The following RRBP1 variants were observed in gnomAD, a reference collection of about 807,000 sequenced individuals.
RRBP1 encodes ribosome binding protein 1, also known as ribosome-binding protein 1.
In RRBP1, 94 loss-of-function variants were observed where a neutral mutation model predicts 165.2. The observed-to-expected ratio is 0.57, with a 90% CI of 0.48 to 0.68. The LOEUF (loss-of-function observed/expected upper bound fraction) is 0.68, where lower values mean the gene tolerates loss of function less well. Among genes scored for constraint, RRBP1 ranks in the 30% least tolerant of loss-of-function variants. RRBP1 has a pLI of 0.00. For synonymous variants in RRBP1, 680 were observed against 714.5 expected (o/e 0.95, Z 0.77); for missense variants, 1,676 against 1,763.0 (o/e 0.95, Z 0.88).
chr20:17,619,290 T>A (rs2035862328), intron 19 of RRBP1: 1 of 239,794 alleles, frequency 4.2e-6, no homozygotes, highest in South Asian at 1.5e-4. Context: ...AGAAAAAGTG[T>A]CAGATCTAAA....
At chr20:17,635,252 G>C (rs1568765431) in intron 7 of RRBP1, among the ~76,000 whole-genome samples, 1 of 152,184 alleles carries the variant, frequency 6.6e-6, no homozygotes, top group Admixed American at 6.5e-5. Context: ...AGGCAGGTGG[G>C]TGCTGGAAAC....
At chr20:17,620,442 C>A in intron 17 of RRBP1, 72 bp from the exon 18 acceptor site, 1 of 1,405,358 alleles carries the variant, frequency 7.1e-7, no homozygotes, top group Non-Finnish European at 1.0e-6. Flanking sequence ...CATGCTAGGA[C>A]CCGAGCGGGA....
intron 11 of RRBP1, among the ~76,000 whole-genome samples, chr20:17,626,690 C>G (rs753061245): frequency 5.8e-4 from 88 of 152,206 alleles, no homozygotes; most frequent in Non-Finnish European, 1.0e-3. Flanking sequence ...GCATGTGCTA[C>G]AGGAGGCGAG....
At position 17,643,184 on chromosome 20, in the gene RRBP1, G is replaced by A; in HGVS notation, c.1913-57C>T. ...AGGCCCATAAGCCACAACACACGTGGCCACAATGCCCATCACACCAAGAAG... is the reference window on the plus strand; with the variant it reads ...AGGCCCATAAGCCACAACACACGTGACCACAATGCCCATCACACCAAGAAG... On this transcript the variant is annotated intron_variant, in intron 3 of 24. Coordinates refer to ENST00000377813, the MANE Select transcript of RRBP1 (RefSeq NM_001365613.2). The surrounding 1 kb of genome is among the most constrained non-coding windows in gnomAD (Gnocchi z 4.3). 6.4e-7 allele frequency: 1 copy of A among 1,567,954 alleles called. No homozygotes were observed. Among genetic ancestry groups the A allele is most frequent in the South Asian group, 1.1e-5 (1 of 88,370 alleles).
chr20:17,623,952 C>T (rs1027055415), intron 13 of RRBP1, among the ~76,000 whole-genome samples: 26 of 152,012 alleles, frequency 1.7e-4, no homozygotes, highest in Non-Finnish European at 3.1e-4. Flanking sequence ...AAAGTCTCCT[C>T]ACAGAGCCCC....
At chr20:17,673,736 T>C (rs2037022494) in intron 2 of RRBP1, among the ~76,000 whole-genome samples, 1 of 152,184 alleles carries the variant, frequency 6.6e-6, no homozygotes, top group Admixed American at 6.5e-5. Context: ...AATCAAACTG[T>C]ACAGAATAAG....
At chr20:17,615,291 T>C (rs1032517169) in intron 23 of RRBP1, 140 bp downstream of exon 23, 4 of 635,918 alleles carry the variant, frequency 6.3e-6, no homozygotes, top group Non-Finnish European at 1.1e-5. Flanking sequence ...CAGCCCCGGG[T>C]AGTGACAAGG....
intron 20 of RRBP1, 143 bp downstream of exon 20, chr20:17,618,453 G>A (rs904468805): frequency 2.6e-5 from 18 of 705,478 alleles, no homozygotes; most frequent in East Asian, 1.1e-4. Flanking sequence ...CCCAGAAGCC[G>A]GCCCCATGCT....
chr20:17,656,865 G>C (rs912429830), intron 3 of RRBP1, among the ~76,000 whole-genome samples: 2 of 152,158 alleles, frequency 1.3e-5, no homozygotes, highest in African/African-American at 4.8e-5. Context: ...TATGGGTTTT[G>C]TTTTCTTGGT....
intron 11 of RRBP1, among the ~76,000 whole-genome samples, chr20:17,625,965 ACCCCAAGAGCGT>A (rs1471691239): frequency 6.6e-6 from 1 of 151,982 alleles, no homozygotes; most frequent in African/African-American, 2.4e-5. Flanking sequence ...CCGGCAAATC[ACCCCAAGAGCGT>A]CCCCAAAAGA....
chr20:17,619,430 T>C (rs892753257), intron 19 of RRBP1: 7 of 467,068 alleles, frequency 1.5e-5, no homozygotes, highest in Non-Finnish European at 2.6e-5. Context: ...GCTGGGAGGC[T>C]GCCTTTTTGA....
chr20:17,637,673 G>A (rs2036273338), intron 5 of RRBP1, among the ~76,000 whole-genome samples: 2 of 152,226 alleles, frequency 1.3e-5, no homozygotes, highest in Non-Finnish European at 2.9e-5. Context: ...CCTCTTGCCT[G>A]AGATGGGAAA....
intron 19 of RRBP1, chr20:17,618,976 G>C (rs1038419771): frequency 2.2e-4 from 85 of 392,520 alleles, no homozygotes; most frequent in Admixed American, 7.2e-4. Flanking sequence ...TTTTTTCAGA[G>C]ATGGTCTCAA....
intron 2 of RRBP1, among the ~76,000 whole-genome samples, chr20:17,677,422 T>A (rs1339682953): frequency 1.3e-5 from 2 of 152,232 alleles, no homozygotes; most frequent in Admixed American, 6.5e-5. Flanking sequence ...TCATTCAGCT[T>A]CTTCCTTTAA....
At chr20:17,617,658 T>C (rs906138940) in intron 20 of RRBP1, among the ~76,000 whole-genome samples, 58 of 152,326 alleles carry the variant, frequency 3.8e-4, no homozygotes, top group African/African-American at 1.4e-3. Context: ...GAGTGGCCCC[T>C]AGACACAGGA....
intron 3 of RRBP1, among the ~76,000 whole-genome samples, chr20:17,652,728 C>T (rs1334738556): frequency 6.6e-6 from 1 of 152,164 alleles, no homozygotes; most frequent in Non-Finnish European, 1.5e-5. Context: ...AGAGGGGCAA[C>T]GAGGCACAAG....
At chr20:17,668,394 G>C (rs1359510367) in intron 2 of RRBP1, among the ~76,000 whole-genome samples, 1 of 152,134 alleles carries the variant, frequency 6.6e-6, no homozygotes, top group Non-Finnish European at 1.5e-5. Flanking sequence ...ACCTCTAACA[G>C]TGATTTGATA....
At chr20:17,651,295 G>C (rs1243048794) in intron 3 of RRBP1, among the ~76,000 whole-genome samples, 1 of 152,164 alleles carries the variant, frequency 6.6e-6, no homozygotes, top group African/African-American at 2.4e-5. Context: ...GCCTCTCATC[G>C]TAAATTGTGA....
chr20:17,677,383 T>C (rs1243872240), intron 2 of RRBP1, among the ~76,000 whole-genome samples: 2 of 152,264 alleles, frequency 1.3e-5, no homozygotes, highest in Admixed American at 6.5e-5. Flanking sequence ...GCCTCCTTTC[T>C]GACCAGAAAG....
Sources: gnomAD v4.1 joint callset for allele counts (sites outside exome capture counted in the v4.1 genomes callset) on GRCh38, gnomAD v4.1.1 for gene constraint, Gnocchi (gnomAD v3.1) non-coding constraint, MANE v1.5 for transcripts, NCBI Gene and HGNC (gene_info 2026-07-23, HGNC 2026-07-21) for gene names.